FAM83F: variants seen among roughly 807,000 people sequenced by gnomAD.
FAM83F encodes protein FAM83F.
FAM83F carries 45 observed loss-of-function variants against 42.9 expected under a neutral mutation model. The observed-to-expected ratio is 1.05, with a 90% CI of 0.83 to 1.35. The LOEUF (loss-of-function observed/expected upper bound fraction) is 1.35. Ranked by LOEUF, FAM83F falls within the 40% of genes most tolerant of loss-of-function variation. The probability of loss-of-function intolerance (pLI) is 0.00; values close to 1 mark genes in which losing one functional copy is unlikely to be tolerated. For missense variants in FAM83F, 617 were observed against 695.9 expected, an observed-to-expected ratio of 0.89 and a Z score of 1.28; for synonymous variants, 306 against 298.3, an observed-to-expected ratio of 1.03 and a Z score of -0.27.
At chr22:40,008,933 C>G (rs2067449514) in intron 1 of FAM83F, among the ~76,000 whole-genome samples, 1 of 152,208 alleles carries the variant, frequency 6.6e-6, no homozygotes, top group Admixed American at 6.5e-5. Flanking sequence ...TAGACTAACT[C>G]CCCTGGGCTG....
In FAM83F at chr22:39,995,119, A is replaced by G. The variant is rs2067366525; in HGVS notation, c.77A>G (p.Tyr26Cys). ...GTGACCGAGGCGCAGGCCGCCTTCT[A>G]CTACTGCGAGCGGCGGCGGGCCGCG... ...EKVTEAQAAF[Y>C]YCERRRAALE... Residue 26 changes from tyrosine to cysteine, a missense_variant, in exon 1 of 5, where the codon TAC (tyrosine) becomes TGC (cysteine). Tyr to Cys is a radical substitution (Grantham distance 194). Transcript: ENST00000333407. The surrounding 1 kb of genome is among the most constrained non-coding windows in gnomAD (Gnocchi z 4.6). The G allele has an allele frequency of 7.3e-7, 1 of 1,372,602 alleles. No homozygotes were observed. 85.0% of individuals were successfully genotyped at this position (1,372,602 alleles called of 1,614,324 possible). A position where few individuals can be genotyped will look rare whatever the true frequency, so the allele number is the denominator to read the frequency against.
rs558470262 is a variant in FAM83F, at chr22:40,012,889, C to T, written c.490-6279C>T. ...GAGATCAAGACCATCCTGGCTAACA[C>T]GGTGAAACCCTGTCTCTACTAAAAA... On this transcript the variant is annotated intron_variant, in intron 1 of 4. Transcript: ENST00000333407. Among the ~76,000 whole-genome samples, 351 of 146,406 alleles carry T rather than the reference C, an allele frequency of 2.4e-3. 1 individual carries two copies. The highest frequency in any genetic ancestry group is 7.2e-3 in the African/African-American group (285 of 39,332).
At position 40,032,497 on chromosome 22, in the gene FAM83F, A is replaced by G. The variant is rs1402002178; in HGVS notation, c.*2932A>G. On this transcript the variant is annotated 3_prime_UTR_variant, in exon 5 of 5. Transcript: ENST00000333407. ...CTGTGTAGAACTTTATAGAAAGGCT[A>G]GGCAAAAAATGAGACCCAGAGATAT... 1 of 152,154 alleles carries G rather than the reference A, an allele frequency of 6.6e-6. No homozygotes were observed. The highest frequency in any genetic ancestry group is 6.5e-5 in the Admixed American group (1 of 15,268). 9.4% of individuals were successfully genotyped at this position (152,154 alleles called of 1,614,324 possible). A position where few individuals can be genotyped will look rare whatever the true frequency, so the allele number is the denominator to read the frequency against.
chr22:40,003,787 C>T (rs1420966896), intron 1 of FAM83F, among the ~76,000 whole-genome samples: 1 of 152,152 alleles, frequency 6.6e-6, no homozygotes, highest in Non-Finnish European at 1.5e-5. Flanking sequence ...GCCCAGGTTT[C>T]CAATAATCTG....
chr22:40,017,644 A>G (rs1601768979), intron 1 of FAM83F, among the ~76,000 whole-genome samples: 2 of 152,332 alleles, frequency 1.3e-5, no homozygotes, highest in East Asian at 1.9e-4. Context: ...CGGCTGTGGC[A>G]TGGGGATACC....
chr22:40,019,778 G>T, intron 2 of FAM83F, 109 bp from the exon 3 acceptor site: 1 of 1,397,280 alleles, frequency 7.2e-7, no homozygotes, highest in Non-Finnish European at 9.6e-7. Flanking sequence ...GAAGACAGGA[G>T]CCTGCAGGCA....
At chr22:40,005,826 G>A (rs2067424577) in intron 1 of FAM83F, among the ~76,000 whole-genome samples, 1 of 152,194 alleles carries the variant, frequency 6.6e-6, no homozygotes, top group Non-Finnish European at 1.5e-5. Context: ...GTTTTATGAT[G>A]TCTAATTAGT....
At chr22:40,004,217 G>A (rs986113976) in intron 1 of FAM83F, among the ~76,000 whole-genome samples, 6 of 152,046 alleles carry the variant, frequency 3.9e-5, no homozygotes, top group African/African-American at 1.4e-4. Context: ...GATATTGATA[G>A]CTATTACTTA....
At chr22:40,024,156 T>G (rs893941057) in intron 4 of FAM83F, among the ~76,000 whole-genome samples, 1 of 152,188 alleles carries the variant, frequency 6.6e-6, no homozygotes, top group Non-Finnish European at 1.5e-5. Context: ...TGTGCCACCA[T>G]GCCTGGCTAA....
chr22:40,013,082 C>CAAAT (rs1313425582), intron 1 of FAM83F, among the ~76,000 whole-genome samples: 1 of 46,394 alleles, frequency 2.2e-5, no homozygotes, highest in African/African-American at 8.4e-5. Context: ...GACTCCGTTT[C>CAAAT]AAAAAAAAAA....
chr22:40,025,691 A>C (rs1479297774), intron 4 of FAM83F, among the ~76,000 whole-genome samples: 1 of 152,164 alleles, frequency 6.6e-6, no homozygotes, highest in African/African-American at 2.4e-5. Flanking sequence ...TGACAGAGCG[A>C]GACTCCATCT....
In FAM83F at chr22:40,042,481, A is replaced by G. The variant is rs1239828163; in HGVS notation, c.*12916A>G. On this transcript the variant is annotated 3_prime_UTR_variant, in exon 5 of 5. Coordinates refer to ENST00000333407, the MANE Select transcript of FAM83F (RefSeq NM_138435.4). Reference sequence around the variant, plus strand: ...TCTCCTTGAAGGTGTCACTTCTTCCAGGAAGCCATTTCTGTCCCTCCCGAG... The same window carrying G: ...TCTCCTTGAAGGTGTCACTTCTTCCGGGAAGCCATTTCTGTCCCTCCCGAG... 6.6e-6 allele frequency: 1 copy of G among 152,224 alleles called. No homozygotes were observed. The highest frequency in any genetic ancestry group is 1.5e-5 in the Non-Finnish European group (1 of 68,058). 9.4% of individuals were successfully genotyped at this position (152,224 alleles called of 1,614,324 possible). A position where few individuals can be genotyped will look rare whatever the true frequency, so the allele number is the denominator to read the frequency against.
intron 1 of FAM83F, among the ~76,000 whole-genome samples, chr22:40,007,621 CCTCCT>C (rs1196900924): frequency 1.2e-3 from 145 of 116,814 alleles, no homozygotes; most frequent in East Asian, 3.1e-3. Flanking sequence ...CTCCTCTCTT[CCTCCT>C]CTCCTCTCCT....
Position 40,021,215 on chromosome 22 carries a change from G to A in FAM83F, c.780-75G>A. On this transcript the variant is annotated intron_variant, in intron 3 of 4. Coordinates refer to ENST00000333407, the MANE Select transcript of FAM83F (RefSeq NM_138435.4). This position sits in a 1 kb window ranked among gnomAD's most constrained non-coding sequence, Gnocchi z 8.7. ...GCAAGGGTCTGGCCACAGCGGAGGG[G>A]CAGGTGGGGGCGGGGGCAGGGCAAG... is the stretch of plus-strand genomic sequence containing the variant. The A allele has an allele frequency of 6.9e-7, 1 of 1,458,660 alleles. No individual in the cohort carries two copies. The highest frequency in any genetic ancestry group is 9.1e-7 in the Non-Finnish European group (1 of 1,099,174). The allele number at this position is 1,458,660 out of a possible 1,614,324, so 90.4% of individuals were successfully genotyped here.
At position 40,029,788 on chromosome 22, in the gene FAM83F, C is replaced by T. The variant is rs1348926085; in HGVS notation, c.*223C>T. 23 of 585,080 alleles carry T rather than the reference C, an allele frequency of 3.9e-5. No individual in the cohort carries two copies. The highest frequency in any genetic ancestry group is 6.5e-5 in the Non-Finnish European group (22 of 340,248). The allele number at this position is 585,080 out of a possible 1,614,324, so 36.2% of individuals were successfully genotyped here. A position where few individuals can be genotyped will look rare whatever the true frequency, so the allele number is the denominator to read the frequency against. The stretch of plus-strand genomic sequence containing the variant: ...GGACTGTCGGTGGCTGGGCAGGGGT[C>T]AGTGCCACGGCCTCCTTGTTTACAT... On this transcript the variant is annotated 3_prime_UTR_variant, in exon 5 of 5. Transcript: ENST00000333407.
In FAM83F at chr22:40,033,958, T is replaced by A. The variant is rs2067605414; in HGVS notation, c.*4393T>A. Reference sequence around the variant, plus strand: ...CTGCCTCACTCCACTCAGCTCCCTGTCAGGTTTCCTGCCAGTCTGTCCCTC... The same window carrying A: ...CTGCCTCACTCCACTCAGCTCCCTGACAGGTTTCCTGCCAGTCTGTCCCTC... On this transcript the variant is annotated 3_prime_UTR_variant, in exon 5 of 5. Coordinates refer to ENST00000333407, the MANE Select transcript of FAM83F (RefSeq NM_138435.4). 1 of 152,480 alleles carries A rather than the reference T, an allele frequency of 6.6e-6. No homozygotes were observed. Among genetic ancestry groups the A allele is most frequent in the Admixed American group, 6.5e-5 (1 of 15,304 alleles). The allele number at this position is 152,480 out of a possible 1,614,324, so 9.4% of individuals were successfully genotyped here.
chr22:40,004,367 A>T (rs1014718003), intron 1 of FAM83F, among the ~76,000 whole-genome samples: 116 of 148,730 alleles, frequency 7.8e-4, no homozygotes, highest in African/African-American at 2.8e-3. Flanking sequence ...AGTGACTCTT[A>T]TCTCGGCTCA....
intron 1 of FAM83F, among the ~76,000 whole-genome samples, chr22:40,007,766 A>G (rs2067444076): frequency 6.6e-6 from 1 of 151,814 alleles, no homozygotes; most frequent in African/African-American, 2.4e-5. Flanking sequence ...TACATGGGGA[A>G]CTTAAGAGAA....
At chr22:40,007,553 C>T (rs887669585) in intron 1 of FAM83F, among the ~76,000 whole-genome samples, 31 of 6,732 alleles carry the variant, frequency 4.6e-3, no homozygotes, top group African/African-American at 0.012. Flanking sequence ...TCCTCTCCTC[C>T]TCCTCTCCTC....
Sources: allele counts gnomAD v4.1 joint callset (sites outside exome capture counted in the v4.1 genomes callset), GRCh38; gene constraint gnomAD v4.1.1; non-coding constraint Gnocchi (gnomAD v3.1); transcripts MANE v1.5; gene names NCBI Gene and HGNC (gene_info 2026-07-23, HGNC 2026-07-21).